Variants in SNX2 observed in about 807,000 individuals in gnomAD.
SNX2 encodes the protein sorting nexin-2.
In SNX2, 25 loss-of-function variants were observed where a neutral mutation model predicts 69.9. The observed-to-expected ratio is 0.36, with a 90% confidence interval of 0.26 to 0.50. The LOEUF (loss-of-function observed/expected upper bound fraction) is 0.50, where lower values mean the gene tolerates loss of function less well. SNX2 is among the 20% of genes least tolerant of loss of function. The pLI, the probability that SNX2 is intolerant of heterozygous loss-of-function variation, is 0.97. For missense variants in SNX2, 551 were observed against 613.3 expected, an observed-to-expected ratio of 0.90 and a Z score of 1.07; for synonymous variants, 229 against 200.4, an observed-to-expected ratio of 1.14 and a Z score of -1.20.
chr5:122,783,030 C>T (rs757690604), intron 1 of SNX2, among the ~76,000 whole-genome samples: 1 of 151,612 alleles, frequency 6.6e-6, no homozygotes, highest in Non-Finnish European at 1.5e-5. Flanking sequence ...TCCACCTCCC[C>T]AGTTCAAGCG....
chr5:122,817,263 T>C lies in SNX2; in HGVS notation c.913-17T>C, dbSNP rs780905648. 3 of 1,609,468 alleles carry C rather than the reference T, an allele frequency of 1.9e-6. No homozygotes were observed. The Admixed American group carries it at 5.0e-5, about 27-fold the overall frequency. On this transcript the variant is annotated splice_polypyrimidine_tract_variant and intron_variant, in intron 9 of 14. Coordinates refer to ENST00000379516, the MANE Select transcript of SNX2 (RefSeq NM_003100.4). ...TTGTTCTTCCTAAATTAGCTCCATT[T>C]TTCATTTTTTTCTTAGTGGTTTGAA...
chr5:122,780,719 G>A (rs1341900313), intron 1 of SNX2, among the ~76,000 whole-genome samples: 2 of 151,700 alleles, frequency 1.3e-5, no homozygotes, highest in Non-Finnish European at 2.9e-5. Context: ...ACAGGTGCAC[G>A]CCACCATGCC....
intron 7 of SNX2, chr5:122,808,814 C>T (rs1017192638): frequency 6.4e-6 from 1 of 155,836 alleles, no homozygotes; most frequent in East Asian, 1.9e-4. Context: ...ATACCACACT[C>T]ATGTACTGTG....
intron 8 of SNX2, among the ~76,000 whole-genome samples, chr5:122,816,192 C>T (rs1753897805): frequency 6.6e-6 from 1 of 152,094 alleles, no homozygotes; most frequent in Non-Finnish European, 1.5e-5. Context: ...ATACTTAAAA[C>T]AAGATTTAAG....
chr5:122,794,311 AAAAC>A (rs896461996), intron 1 of SNX2, among the ~76,000 whole-genome samples: 176 of 145,766 alleles, frequency 1.2e-3, no homozygotes, highest in African/African-American at 4.0e-3. Flanking sequence ...ACTGTGTCTC[AAAAC>A]AAACAAACAA....
chr5:122,814,387 T>C (rs547826780), intron 7 of SNX2, among the ~76,000 whole-genome samples: 1 of 152,322 alleles, frequency 6.6e-6, no homozygotes, highest in East Asian at 1.9e-4. Flanking sequence ...AAACCCAGCA[T>C]AGATTGTATC....
rs1337365568 is a variant in SNX2, at chr5:122,829,675, C to T, written c.*27C>T. The T allele has an allele frequency of 6.3e-7, 1 of 1,598,254 alleles. No individual in the cohort carries two copies. Among genetic ancestry groups the T allele is most frequent in the Middle Eastern group, 1.7e-4 (1 of 6,038 alleles). ...AATAAGATTGTTGCCGTTAAGAAGA[C>T]CTTGGATGTTGTTCCAGTTATGCTG... On this transcript the variant is annotated 3_prime_UTR_variant, in exon 15 of 15. Coordinates refer to ENST00000379516, the MANE Select transcript of SNX2 (RefSeq NM_003100.4).
At chr5:122,784,167 T>C (rs2150000957) in intron 1 of SNX2, among the ~76,000 whole-genome samples, 1 of 151,786 alleles carries the variant, frequency 6.6e-6, no homozygotes, top group Non-Finnish European at 1.5e-5. Flanking sequence ...GATAATCATA[T>C]TGTTTGTGAT....
At chr5:122,789,764 C>G (rs921064816) in intron 1 of SNX2, among the ~76,000 whole-genome samples, 1 of 152,206 alleles carries the variant, frequency 6.6e-6, no homozygotes, top group African/African-American at 2.4e-5. Flanking sequence ...AGGTCTGTGA[C>G]TGAGGCCCAC....
intron 1 of SNX2, among the ~76,000 whole-genome samples, chr5:122,788,511 C>T (rs1467654201): frequency 6.6e-6 from 1 of 152,158 alleles, no homozygotes; most frequent in Non-Finnish European, 1.5e-5. Context: ...TTGGTATTGT[C>T]CCATAGGTCC....
At chr5:122,805,853 T>C (rs1753630790) in intron 6 of SNX2, among the ~76,000 whole-genome samples, 1 of 152,146 alleles carries the variant, frequency 6.6e-6, no homozygotes, top group South Asian at 2.1e-4. Flanking sequence ...CTATCTTGGC[T>C]CACTGCAAGC....
At position 122,779,876 on chromosome 5, in the gene SNX2, C is replaced by T. The variant is rs75873583; in HGVS notation, c.108+4665C>T. ...GCCCAGCATGCATTAGGTCTTTTCCCTAATGCTCTCCTGTCCTCCCCTTAC... is the reference window on the plus strand; with the variant it reads ...GCCCAGCATGCATTAGGTCTTTTCCTTAATGCTCTCCTGTCCTCCCCTTAC... On this transcript the variant is annotated intron_variant, in intron 1 of 14. Transcript: ENST00000379516. 6.4e-3 allele frequency among the ~76,000 whole-genome samples: 968 copies of T among 152,188 alleles called. 13 individuals are homozygous for T. Among genetic ancestry groups the T allele is most frequent in the African/African-American group, 0.022 (911 of 41,522 alleles).
At position 122,832,774 on chromosome 5, in the gene SNX2, C is replaced by T. The variant is rs1754322434; in HGVS notation, c.*3126C>T. 2 of 152,194 alleles carry T rather than the reference C, an allele frequency of 1.3e-5. No homozygotes were observed. Among genetic ancestry groups the T allele is most frequent in the Non-Finnish European group, 2.9e-5 (2 of 68,038 alleles). The allele number at this position is 152,194 out of a possible 1,614,324, so 9.4% of individuals were successfully genotyped here. Reference sequence around the variant, plus strand: ...TAATGTCTTAAGGGAATTATAGAGACTTCCATTATTCTGCCTTAAATAAGG... The same window carrying T: ...TAATGTCTTAAGGGAATTATAGAGATTTCCATTATTCTGCCTTAAATAAGG... On this transcript the variant is annotated 3_prime_UTR_variant, in exon 15 of 15. Transcript: ENST00000379516.
chr5:122,777,195 A>G (rs189791536), intron 1 of SNX2, among the ~76,000 whole-genome samples: 2 of 152,310 alleles, frequency 1.3e-5, no homozygotes, highest in East Asian at 3.9e-4. Context: ...TTCATCTTTA[A>G]AATGCAGATG....
In SNX2 at chr5:122,833,428, CAATTTT is replaced by C. The variant is rs1301360095; in HGVS notation, c.*3784_*3789del. The C allele has an allele frequency of 3.3e-5, 5 of 152,044 alleles. No individual in the cohort carries two copies. Among genetic ancestry groups the C allele is most frequent in the African/African-American group, 1.2e-4 (5 of 41,414 alleles). 9.4% of individuals were successfully genotyped at this position (152,044 alleles called of 1,614,324 possible). ...CAGCCAAATGTTAAAAAGTAAAAAA[CAATTTT>C]AATAATCCAGTAGCTCCAAAATATT... On this transcript the variant is annotated 3_prime_UTR_variant, in exon 15 of 15. Transcript: ENST00000379516.
At chr5:122,779,235 T>C (rs1028381077) in intron 1 of SNX2, among the ~76,000 whole-genome samples, 1 of 152,220 alleles carries the variant, frequency 6.6e-6, no homozygotes, top group Non-Finnish European at 1.5e-5. Context: ...TTCACAGATA[T>C]GCCCAACATC....
intron 2 of SNX2, among the ~76,000 whole-genome samples, chr5:122,797,361 G>A (rs1457228991): frequency 1.1e-4 from 17 of 152,184 alleles, no homozygotes; most frequent in Admixed American, 1.1e-3. Flanking sequence ...ATAGTCATCT[G>A]TCTCCTTTGT....
At chr5:122,797,078 C>T (rs1378096345) in intron 2 of SNX2, among the ~76,000 whole-genome samples, 1 of 152,180 alleles carries the variant, frequency 6.6e-6, no homozygotes, top group Non-Finnish European at 1.5e-5. Context: ...CAGACATGTG[C>T]CACTATACCT....
rs547206871 is a variant in SNX2 at position 122,798,709 on chromosome 5, T to A, written c.227-983T>A. On this transcript the variant is annotated intron_variant, in intron 2 of 14. Coordinates refer to ENST00000379516, the MANE Select transcript of SNX2 (RefSeq NM_003100.4). ...CCACCACTTGTGATTTTCCCTTTCCTGGCTCTGCTTTTTGCATATGCTATT... is the reference window on the plus strand; with the variant it reads ...CCACCACTTGTGATTTTCCCTTTCCAGGCTCTGCTTTTTGCATATGCTATT... Among the ~76,000 whole-genome samples, 7 of 152,304 alleles carry A rather than the reference T, an allele frequency of 4.6e-5. No individual in the cohort carries two copies. In the South Asian group the frequency reaches 1.2e-3, roughly 27 times the overall value.
Sources: allele counts gnomAD v4.1 joint callset (sites outside exome capture counted in the v4.1 genomes callset), GRCh38; gene constraint gnomAD v4.1.1; transcripts MANE v1.5; gene names NCBI Gene and HGNC (gene_info 2026-07-23, HGNC 2026-07-21).